The following KCNH1 variants were observed in gnomAD, a reference collection of about 807,000 sequenced individuals.
The protein encoded by KCNH1 is potassium voltage-gated channel subfamily H member 1.
In KCNH1, 27 loss-of-function variants were observed where a neutral mutation model predicts 69.2. The observed-to-expected ratio is 0.39, with a 90% CI of 0.29 to 0.54. KCNH1 has a LOEUF of 0.54. Ranked by LOEUF, KCNH1 falls within the 20% of genes least tolerant of loss-of-function variation. KCNH1 has a pLI of 0.68. For synonymous variants in KCNH1, 456 were observed against 487.7 expected (o/e 0.93, Z 0.86); for missense variants, 798 against 1,261.6 (o/e 0.63, Z 5.57).
intron 7 of KCNH1, among the ~76,000 whole-genome samples, chr1:210,846,716 C>CA (rs1357629566): frequency 6.6e-6 from 1 of 151,868 alleles, no homozygotes; most frequent in Non-Finnish European, 1.5e-5. Context: ...CAACAAAAGC[C>CA]AAAATTGACA....
intron 10 of KCNH1, among the ~76,000 whole-genome samples, chr1:210,727,971 G>C (rs561849221): frequency 1.2e-4 from 18 of 152,300 alleles, no homozygotes; most frequent in Non-Finnish European, 4.4e-5. Flanking sequence ...GGACAAATGA[G>C]ACCAGGAGGT....
intron 5 of KCNH1, among the ~76,000 whole-genome samples, chr1:211,056,360 G>T (rs544587966): frequency 6.6e-6 from 1 of 152,166 alleles, no homozygotes. Context: ...TGGGTGCCAG[G>T]TCAGCTACAA....
chr1:210,916,899 G>C (rs34065049), intron 7 of KCNH1, among the ~76,000 whole-genome samples: 2 of 152,024 alleles, frequency 1.3e-5, no homozygotes, highest in Non-Finnish European at 2.9e-5. Context: ...TGTAATCCTT[G>C]CACTTTGGGA....
At chr1:210,954,959 C>G (rs6683856) in intron 6 of KCNH1, among the ~76,000 whole-genome samples, 32,352 of 152,082 alleles carry the variant, frequency 0.21, 4,247 homozygotes, top group Non-Finnish European at 0.3. Context: ...TGGTGTTTTA[C>G]TCATGAAGTC....
chr1:210,788,878 A>G (rs1184003297), intron 9 of KCNH1, among the ~76,000 whole-genome samples: 1 of 149,020 alleles, frequency 6.7e-6, no homozygotes, highest in African/African-American at 2.5e-5. Context: ...TTGTATTTTT[A>G]GTAGAGACGG....
At chr1:210,789,196 A>T (rs1777259) in intron 9 of KCNH1, among the ~76,000 whole-genome samples, 92,268 of 152,028 alleles carry the variant, frequency 0.61, 28,397 homozygotes, top group African/African-American at 0.64. Context: ...TGGAGCAATG[A>T]GGAGCAATGC....
intron 7 of KCNH1, chr1:210,862,180 A>G: frequency 7.5e-7 from 1 of 1,337,704 alleles, no homozygotes; most frequent in Non-Finnish European, 1.1e-6. Flanking sequence ...CGTTGAGACA[A>G]AATTCAGAGA....
chr1:210,956,255 A>G (rs1457538821), intron 6 of KCNH1, among the ~76,000 whole-genome samples: 1 of 152,198 alleles, frequency 6.6e-6, no homozygotes, highest in Non-Finnish European at 1.5e-5. Context: ...GATGAAGCCA[A>G]CTTGATCATG....
At chr1:211,126,184 G>A (rs1159664925) in intron 1 of KCNH1, among the ~76,000 whole-genome samples, 1 of 122,338 alleles carries the variant, frequency 8.2e-6, no homozygotes, top group African/African-American at 3.4e-5. Flanking sequence ...GGACAACATG[G>A]CAAAACCCCA....
intron 7 of KCNH1, among the ~76,000 whole-genome samples, chr1:210,891,517 T>C (rs1233976106): frequency 2.0e-5 from 3 of 149,764 alleles, no homozygotes; most frequent in African/African-American, 7.4e-5. Flanking sequence ...TGTGCACACA[T>C]ACCCTAGAAC....
At chr1:210,835,791 G>A (rs939424770) in intron 7 of KCNH1, among the ~76,000 whole-genome samples, 2 of 152,058 alleles carry the variant, frequency 1.3e-5, no homozygotes, top group Non-Finnish European at 2.9e-5. Flanking sequence ...CAGGGCTTCA[G>A]TTCCCAACTG....
chr1:210,786,844 G>A (rs1684113268), intron 9 of KCNH1, among the ~76,000 whole-genome samples: 2 of 152,094 alleles, frequency 1.3e-5, no homozygotes, highest in South Asian at 4.1e-4. Context: ...CAAAATAGAT[G>A]GCCAAGCTCT....
At chr1:211,006,099 T>G (rs7523925) in intron 6 of KCNH1, among the ~76,000 whole-genome samples, 14,767 of 152,128 alleles carry the variant, frequency 0.097, 2,043 homozygotes, top group African/African-American at 0.31. Context: ...GAAACATCAG[T>G]GTTGGCAAGG....
intron 6 of KCNH1, among the ~76,000 whole-genome samples, chr1:210,964,690 C>T (rs891130669): frequency 6.6e-6 from 1 of 152,176 alleles, no homozygotes; most frequent in South Asian, 2.1e-4. Flanking sequence ...GAGCTGGTAC[C>T]ATTCCTTCTG....
At chr1:210,868,460 G>C (rs4329571) in intron 7 of KCNH1, among the ~76,000 whole-genome samples, 152,001 of 152,004 alleles carry the variant, frequency 1, 75,999 homozygotes, top group Non-Finnish European at 1. Flanking sequence ...GTTTTGTGTC[G>C]TAAGAAATCT....
At chr1:211,031,646 C>G (rs1379777452) in intron 5 of KCNH1, among the ~76,000 whole-genome samples, 3 of 152,190 alleles carry the variant, frequency 2.0e-5, no homozygotes, top group African/African-American at 7.2e-5. Flanking sequence ...ATAAACAGAA[C>G]CAACGACAAA....
At chr1:211,056,144 C>T (rs1405125509) in intron 5 of KCNH1, among the ~76,000 whole-genome samples, 1 of 152,178 alleles carries the variant, frequency 6.6e-6, no homozygotes, top group Non-Finnish European at 1.5e-5. Flanking sequence ...GCTTTGGCCC[C>T]TGGACCTGCC....
chr1:211,085,601 TA>T (rs1338467300), intron 4 of KCNH1, among the ~76,000 whole-genome samples: 1 of 151,898 alleles, frequency 6.6e-6, no homozygotes, highest in Non-Finnish European at 1.5e-5. Flanking sequence ...TGAGGGCAGC[TA>T]CAGAGTCAGG....
intron 6 of KCNH1, among the ~76,000 whole-genome samples, chr1:210,976,708 G>A (rs1574373449): frequency 1.3e-5 from 2 of 149,984 alleles, no homozygotes; most frequent in East Asian, 3.9e-4. Flanking sequence ...CAACCCAAAT[G>A]TCCGTCAATG....
Sources: gnomAD v4.1 joint callset for allele counts (sites outside exome capture counted in the v4.1 genomes callset) on GRCh38, gnomAD v4.1.1 for gene constraint, MANE v1.5 for transcripts, NCBI Gene and HGNC (gene_info 2026-07-23, HGNC 2026-07-21) for gene names.